RASAL2: variants seen among roughly 807,000 people sequenced by gnomAD.
RASAL2 encodes the protein RAS protein activator like 2, also known as ras GTPase-activating protein nGAP.
A neutral mutation model predicts 128.9 loss-of-function variants in RASAL2; 58 were observed. The observed-to-expected ratio is 0.45, with a 90% CI of 0.36 to 0.56. RASAL2 has a LOEUF of 0.56. Ranked by LOEUF, RASAL2 falls within the 20% of genes least tolerant of loss-of-function variation. RASAL2 has a pLI of 0.00. For synonymous variants in RASAL2, 561 were observed against 580.8 expected, an observed-to-expected ratio of 0.97 and a Z score of 0.49; for missense variants, 1,360 against 1,601.6, an observed-to-expected ratio of 0.85 and a Z score of 2.57.
chr1:178,464,840 T>TG (rs1195767814), intron 15 of RASAL2, among the ~76,000 whole-genome samples: 3 of 142,798 alleles, frequency 2.1e-5, no homozygotes, highest in Non-Finnish European at 4.6e-5. Flanking sequence ...TGTTTTTTTT[T>TG]TTTTTTTTTT....
At chr1:178,426,079 C>T (rs1675495093) in intron 5 of RASAL2, among the ~76,000 whole-genome samples, 1 of 152,162 alleles carries the variant, frequency 6.6e-6, no homozygotes, top group African/African-American at 2.4e-5. Context: ...AACAGACCTA[C>T]AGATAGCTAC....
chr1:178,125,267 G>A (rs1201621962), intron 1 of RASAL2: 2 of 152,178 alleles, frequency 1.3e-5, no homozygotes, highest in African/African-American at 4.8e-5. Context: ...ACTGGTGGTA[G>A]TTGCTGAGAA....
At chr1:178,444,627 A>G (rs143175316) in intron 8 of RASAL2, among the ~76,000 whole-genome samples, 295 of 152,306 alleles carry the variant, frequency 1.9e-3, no homozygotes, top group Middle Eastern at 6.8e-3. Context: ...CTGTTGAGGA[A>G]TGAAGCAGCT....
intron 2 of RASAL2, among the ~76,000 whole-genome samples, chr1:178,298,548 C>T (rs1006454760): frequency 2.6e-5 from 4 of 152,158 alleles, no homozygotes; most frequent in African/African-American, 9.7e-5. Flanking sequence ...AGTTGGATTA[C>T]GGAAGCAAAG....
At chr1:178,240,166 TC>T (rs1664436368) in intron 1 of RASAL2, among the ~76,000 whole-genome samples, 1 of 152,090 alleles carries the variant, frequency 6.6e-6, no homozygotes, top group South Asian at 2.1e-4. Context: ...GTGAACAAGG[TC>T]AGTTGCTAGT....
At chr1:178,224,790 G>A (rs1039095651) in intron 1 of RASAL2, among the ~76,000 whole-genome samples, 8 of 152,242 alleles carry the variant, frequency 5.3e-5, no homozygotes, top group African/African-American at 1.9e-4. Flanking sequence ...AACAGACTAT[G>A]TCTAAGCTGA....
chr1:178,112,312 G>A (rs1011313445), intron 1 of RASAL2, among the ~76,000 whole-genome samples: 17 of 152,080 alleles, frequency 1.1e-4, no homozygotes, highest in Non-Finnish European at 2.1e-4. Flanking sequence ...AGCACTTTGG[G>A]AGGCCAAGGC....
At chr1:178,127,865 G>A (rs758425700) in intron 1 of RASAL2, among the ~76,000 whole-genome samples, 2 of 152,016 alleles carry the variant, frequency 1.3e-5, no homozygotes, top group Admixed American at 6.6e-5. Flanking sequence ...GAAGTTTACT[G>A]TAAATGACTG....
rs35191496 is a variant in RASAL2 at position 178,443,046 on chromosome 1, G to A, written c.1299G>A (p.Arg433=). ...NKGKTGGPSI[R]IKSRFQTITI... ...GAAAGACAGGAGGACCTTCTATTCG[G>A]ATTAAATCACGTTTCCAAACTATCA... Residue 433 remains arginine (R), a synonymous_variant, in exon 8 of 18, where the codon CGG becomes CGA. Transcript: ENST00000367649. 1.7e-3 allele frequency: 2,787 copies of A among 1,614,044 alleles called. 3 individuals are homozygous for A. Among genetic ancestry groups the A allele is most frequent in the Non-Finnish European group, 2.1e-3 (2,442 of 1,179,962 alleles).
At chr1:178,133,978 T>A (rs1437947978) in intron 1 of RASAL2, among the ~76,000 whole-genome samples, 1 of 152,186 alleles carries the variant, frequency 6.6e-6, no homozygotes, top group Non-Finnish European at 1.5e-5. Flanking sequence ...GTGCAAACAA[T>A]GTGAGAAATT....
chr1:178,113,379 A>C (rs1659405361), intron 1 of RASAL2, among the ~76,000 whole-genome samples: 1 of 151,658 alleles, frequency 6.6e-6, no homozygotes, highest in African/African-American at 2.4e-5. Context: ...TGTGATCATT[A>C]CTGTAGCTTT....
chr1:178,237,939 G>A (rs1172401645), intron 1 of RASAL2, among the ~76,000 whole-genome samples: 2 of 152,094 alleles, frequency 1.3e-5, no homozygotes, highest in Admixed American at 6.5e-5. Flanking sequence ...CTATGAATTC[G>A]ATTCCCAAGT....
At chr1:178,160,773 T>C (rs1661256741) in intron 1 of RASAL2, among the ~76,000 whole-genome samples, 1 of 152,234 alleles carries the variant, frequency 6.6e-6, no homozygotes, top group African/African-American at 2.4e-5. Flanking sequence ...CGTAGCTTAG[T>C]TGTTTTCAAT....
At chr1:178,164,865 G>GTGTGTGTA (rs1553255595) in intron 1 of RASAL2, among the ~76,000 whole-genome samples, 1 of 144,940 alleles carries the variant, frequency 6.9e-6, no homozygotes, top group African/African-American at 2.6e-5. Context: ...GTGTGTGTGT[G>GTGTGTGTA]TATACAGTGG....
Position 178,420,626 on chromosome 1 carries a change from A to G in RASAL2, c.674+6A>G. 1 of 1,582,876 alleles carries G rather than the reference A, an allele frequency of 6.3e-7. No individual in the cohort carries two copies. The highest frequency in any genetic ancestry group is 8.6e-7 in the Non-Finnish European group (1 of 1,159,134). ...CTTCGCAGTACAGATGACAGGTAGGAAGTTAACTTTCTTAAAACAAAAAAA... is the reference window on the plus strand; with the variant it reads ...CTTCGCAGTACAGATGACAGGTAGGGAGTTAACTTTCTTAAAACAAAAAAA... On this transcript the variant is annotated splice_donor_region_variant and intron_variant, in intron 5 of 17. Coordinates refer to ENST00000367649, the MANE Select transcript of RASAL2 (RefSeq NM_170692.4).
chr1:178,166,210 T>C (rs1166643981), intron 1 of RASAL2, among the ~76,000 whole-genome samples: 1 of 152,124 alleles, frequency 6.6e-6, no homozygotes, highest in Non-Finnish European at 1.5e-5. Context: ...TGTTGCAAAA[T>C]GTGAAAATAA....
chr1:178,164,714 A>G (rs1336500757), intron 1 of RASAL2, among the ~76,000 whole-genome samples: 2 of 151,978 alleles, frequency 1.3e-5, no homozygotes, highest in Non-Finnish European at 2.9e-5. Context: ...TAGTTGATAA[A>G]TTACCTATTT....
At chr1:178,237,427 C>A (rs897611564) in intron 1 of RASAL2, among the ~76,000 whole-genome samples, 3 of 152,134 alleles carry the variant, frequency 2.0e-5, no homozygotes, top group African/African-American at 7.2e-5. Context: ...GGTGAAATCA[C>A]ACAGGCTAGG....
intron 3 of RASAL2, among the ~76,000 whole-genome samples, chr1:178,382,917 T>C (rs1209700038): frequency 6.6e-6 from 1 of 152,184 alleles, no homozygotes; most frequent in Admixed American, 6.5e-5. Flanking sequence ...TGAGCTATTT[T>C]CTTGGCCTTT....
Sources: gnomAD v4.1 joint callset for allele counts (sites outside exome capture counted in the v4.1 genomes callset) on GRCh38, gnomAD v4.1.1 for gene constraint, MANE v1.5 for transcripts, NCBI Gene and HGNC (gene_info 2026-07-23, HGNC 2026-07-21) for gene names.